The following DLG2 variants were observed in gnomAD, a reference collection of about 807,000 sequenced individuals.
DLG2 encodes discs large MAGUK scaffold protein 2.
Under a neutral mutation model 132.5 loss-of-function variants are expected in DLG2, and 45 were observed. The observed-to-expected ratio is 0.34, with a 90% CI of 0.27 to 0.44. The LOEUF is 0.44. Among genes scored for constraint, DLG2 ranks in the 20% least tolerant of loss-of-function variants. The pLI, the probability that DLG2 is intolerant of heterozygous loss-of-function variation, is 1.00. For missense variants in DLG2, 1,045 were observed against 1,196.9 expected, an observed-to-expected ratio of 0.87 and a Z score of 1.87; for synonymous variants, 424 against 419.6, an observed-to-expected ratio of 1.01 and a Z score of -0.13.
intron 6 of DLG2, among the ~76,000 whole-genome samples, chr11:84,843,099 T>G (rs2080915414): frequency 6.6e-6 from 1 of 152,002 alleles, no homozygotes; most frequent in South Asian, 2.1e-4. Flanking sequence ...TATTGTGCAC[T>G]GAAAAATGTG....
At chr11:84,033,713 T>C (rs912941242) in intron 11 of DLG2, among the ~76,000 whole-genome samples, 5 of 152,156 alleles carry the variant, frequency 3.3e-5, no homozygotes, top group African/African-American at 1.2e-4. Flanking sequence ...AGTCAATTAC[T>C]GTGGAAAACT....
intron 3 of DLG2, among the ~76,000 whole-genome samples, chr11:85,415,384 A>C (rs1183468578): frequency 6.6e-6 from 1 of 152,158 alleles, no homozygotes; most frequent in African/African-American, 2.4e-5. Flanking sequence ...CAGTAATGGG[A>C]CTGCTGGGTC....
At chr11:85,229,572 G>A (rs1443953755) in intron 4 of DLG2, among the ~76,000 whole-genome samples, 1 of 152,126 alleles carries the variant, frequency 6.6e-6, no homozygotes, top group Non-Finnish European at 1.5e-5. Context: ...CACTGTAGAA[G>A]ATAGTGTGGT....
chr11:84,298,903 T>C (rs1256971234), intron 7 of DLG2, among the ~76,000 whole-genome samples: 1 of 152,162 alleles, frequency 6.6e-6, no homozygotes, highest in Non-Finnish European at 1.5e-5. Context: ...GAGCGGGAAA[T>C]ACAGATTGGG....
At chr11:84,269,400 T>A (rs1277370143) in intron 7 of DLG2, among the ~76,000 whole-genome samples, 1 of 152,272 alleles carries the variant, frequency 6.6e-6, no homozygotes, top group Admixed American at 6.5e-5. Flanking sequence ...GAATGTCCTC[T>A]TCTTCCATCA....
intron 18 of DLG2, among the ~76,000 whole-genome samples, chr11:83,761,361 T>C (rs1018946799): frequency 2.6e-5 from 4 of 152,230 alleles, no homozygotes; most frequent in African/African-American, 9.6e-5. Flanking sequence ...TGTTAAATTC[T>C]CCACAAATAA....
chr11:84,143,792 G>T (rs1244247872), intron 9 of DLG2, among the ~76,000 whole-genome samples: 1 of 152,112 alleles, frequency 6.6e-6, no homozygotes, highest in Non-Finnish European at 1.5e-5. Flanking sequence ...GGTATTCATT[G>T]TAGGAGGAAG....
chr11:84,191,423 A>G (rs924621260), intron 8 of DLG2, among the ~76,000 whole-genome samples: 6 of 152,236 alleles, frequency 3.9e-5, no homozygotes, highest in African/African-American at 1.2e-4. Context: ...AAAAGGAAAG[A>G]ATGCCAGATT....
At chr11:84,707,331 C>A (rs979812145) in intron 6 of DLG2, among the ~76,000 whole-genome samples, 2 of 151,760 alleles carry the variant, frequency 1.3e-5, no homozygotes, top group Non-Finnish European at 1.5e-5. Context: ...TTTGATTCTA[C>A]AAATCTCCTC....
chr11:85,595,242 C>T (rs1342080232), intron 3 of DLG2, among the ~76,000 whole-genome samples: 1 of 152,020 alleles, frequency 6.6e-6, no homozygotes, highest in Non-Finnish European at 1.5e-5. Flanking sequence ...CCAATTCCAT[C>T]TAAATGTGCA....
At chr11:85,238,205 TTTTATTTATTTATTTATTTA>T (rs141877580) in intron 4 of DLG2, among the ~76,000 whole-genome samples, 1,908 of 125,980 alleles carry the variant, frequency 0.015, 37 homozygotes, top group African/African-American at 0.04. Context: ...TTTATTTTTA[TTTTATTTATTTATTTATTTA>T]TTTATTTATT....
intron 7 of DLG2, among the ~76,000 whole-genome samples, chr11:84,373,268 AAC>A (rs1491092027): frequency 0.013 from 1,786 of 135,560 alleles, 115 homozygotes; most frequent in African/African-American, 0.046. Flanking sequence ...AAAAAAACAA[AAC>A]AAAAAAAAAA....
chr11:85,480,751 A>C (rs971531306), intron 3 of DLG2, among the ~76,000 whole-genome samples: 1 of 152,238 alleles, frequency 6.6e-6, no homozygotes, highest in Non-Finnish European at 1.5e-5. Context: ...CTGTAAATTC[A>C]GTGACAATTA....
chr11:84,881,394 G>A (rs1427689347), intron 6 of DLG2, among the ~76,000 whole-genome samples: 1 of 152,080 alleles, frequency 6.6e-6, no homozygotes, highest in Non-Finnish European at 1.5e-5. Context: ...CAACAAGGGA[G>A]ATCACAGCCT....
At chr11:84,937,082 G>A (rs559803883) in intron 6 of DLG2, among the ~76,000 whole-genome samples, 2 of 152,170 alleles carry the variant, frequency 1.3e-5, no homozygotes, top group African/African-American at 4.8e-5. Context: ...AACCCAGGAG[G>A]CAGAGTTTGC....
chr11:84,548,257 A>T (rs2099394326), intron 6 of DLG2, among the ~76,000 whole-genome samples: 1 of 152,130 alleles, frequency 6.6e-6, no homozygotes, highest in Non-Finnish European at 1.5e-5. Context: ...CAAATGAGAC[A>T]ACGCTAAGTA....
intron 17 of DLG2, among the ~76,000 whole-genome samples, chr11:83,805,338 G>A (rs2045622553): frequency 6.6e-6 from 1 of 151,660 alleles, no homozygotes; most frequent in Non-Finnish European, 1.5e-5. Flanking sequence ...GTATTATTTT[G>A]TGCAGGAGAG....
At chr11:85,256,639 C>A (rs548213937) in intron 4 of DLG2, among the ~76,000 whole-genome samples, 61 of 152,268 alleles carry the variant, frequency 4.0e-4, no homozygotes, top group African/African-American at 1.5e-3. Flanking sequence ...TGCACCCGCC[C>A]ATCTGCATGC....
At chr11:83,719,765 A>G (rs2087829870) in intron 18 of DLG2, among the ~76,000 whole-genome samples, 1 of 152,208 alleles carries the variant, frequency 6.6e-6, no homozygotes, top group Non-Finnish European at 1.5e-5. Flanking sequence ...CAAAAATATC[A>G]AAACTATAGC....
Sources: allele counts gnomAD v4.1 joint callset (sites outside exome capture counted in the v4.1 genomes callset), GRCh38; gene constraint gnomAD v4.1.1; transcripts MANE v1.5; gene names NCBI Gene and HGNC (gene_info 2026-07-23, HGNC 2026-07-21).